The following ABRA variants were observed in gnomAD, a reference collection of about 807,000 sequenced individuals.
The protein encoded by ABRA is actin-binding Rho-activating protein.
In ABRA, 25 loss-of-function variants were observed where a neutral mutation model predicts 33.4. That is an observed-to-expected ratio of 0.75 (90% confidence interval 0.55 to 1.04). The LOEUF is 1.04. Among genes scored for constraint, ABRA ranks in the 50% least tolerant of loss-of-function variants. ABRA has a pLI of 0.00. For missense variants in ABRA, 501 were observed against 491.7 expected, an observed-to-expected ratio of 1.02 and a Z score of -0.18; for synonymous variants, 193 against 176.8, an observed-to-expected ratio of 1.09 and a Z score of -0.73.
At chr8:106,761,565 G>A in intron 1 of ABRA, 51 bp from the exon 2 acceptor site, 2 of 1,483,330 alleles carry the variant, frequency 1.3e-6, no homozygotes, top group Non-Finnish European at 1.8e-6. Context: ...TTAACACCGA[G>A]TGTTGTTTTC....
chr8:106,761,525 G>T lies in ABRA; in HGVS notation c.669-11C>A, dbSNP rs766483647. 6.3e-7 allele frequency: 1 copy of T among 1,599,874 alleles called. No individual in the cohort carries two copies. Among genetic ancestry groups the T allele is most frequent in the South Asian group, 1.1e-5 (1 of 89,364 alleles). The stretch of plus-strand genomic sequence containing the variant: ...GTAAATCTGTTTACCCTAAAGTAGA[G>T]AGAGGGTGAACAATCAAGATTCAGA... On this transcript the variant is annotated splice_polypyrimidine_tract_variant and intron_variant, in intron 1 of 1. Transcript: ENST00000311955.
At chr8:106,769,475 G>A (rs1394864088) in intron 1 of ABRA, 48 bp downstream of exon 1, 2 of 1,575,004 alleles carry the variant, frequency 1.3e-6, no homozygotes, top group South Asian at 1.2e-5. Flanking sequence ...CTTGGTTGGG[G>A]CTCAATAGTG....
rs200218319 is a variant in ABRA, at chr8:106,769,480, A to G, written c.668+43T>C. On this transcript the variant is annotated intron_variant, in intron 1 of 1. Transcript: ENST00000311955. ...GATTCCCAGACTTGGTTGGGGCTCA[A>G]TAGTGATCCTGACACAAGGAGTGGG... 153 of 1,581,474 alleles carry G rather than the reference A, an allele frequency of 9.7e-5. 2 individuals are homozygous for G. The African/African-American group carries it at 1.1e-3, about 12-fold the overall frequency.
chr8:106,769,395 C>G (rs1346458597), intron 1 of ABRA, 128 bp downstream of exon 1: 1 of 1,307,034 alleles, frequency 7.7e-7, no homozygotes, highest in Non-Finnish European at 1.1e-6. Flanking sequence ...ACAGTACTCA[C>G]TGCCTGTCCA....
chr8:106,766,401 G>T (rs893485315), intron 1 of ABRA, among the ~76,000 whole-genome samples: 23 of 151,892 alleles, frequency 1.5e-4, no homozygotes, highest in African/African-American at 4.8e-4. Flanking sequence ...ATACATAATT[G>T]TCTCCTTATT....
chr8:106,765,704 G>T (rs1055678388), intron 1 of ABRA, among the ~76,000 whole-genome samples: 10 of 152,178 alleles, frequency 6.6e-5, no homozygotes, highest in African/African-American at 2.4e-4. Flanking sequence ...AGCCAGGCCT[G>T]TGATTCTCCT....
chr8:106,765,777 CAGA>C (rs1225594138), intron 1 of ABRA, among the ~76,000 whole-genome samples: 1 of 152,136 alleles, frequency 6.6e-6, no homozygotes, highest in Non-Finnish European at 1.5e-5. Context: ...TGGGCACAGG[CAGA>C]AGGACAGCAT....
At position 106,769,513 on chromosome 8, in the gene ABRA, A is replaced by G; in HGVS notation, c.668+10T>C. 6.2e-7 allele frequency: 1 copy of G among 1,607,754 alleles called. No homozygotes were observed. Among genetic ancestry groups the G allele is most frequent in the Non-Finnish European group, 8.5e-7 (1 of 1,176,398 alleles). ...CCTGACACAAGGAGTGGGAGAATGC[A>G]TTCACTTACTGGGAGGGCAAGGGGC... On this transcript the variant is annotated intron_variant, in intron 1 of 1. Transcript: ENST00000311955.
At chr8:106,764,250 T>C (rs756438214) in intron 1 of ABRA, among the ~76,000 whole-genome samples, 5 of 152,260 alleles carry the variant, frequency 3.3e-5, no homozygotes, top group Non-Finnish European at 7.3e-5. Context: ...GATTCTTTGA[T>C]GTAGCCTTTT....
chr8:106,769,614 CCT>C lies in ABRA; in HGVS notation c.575_576del (p.Glu192GlyfsTer9). 1 of 1,614,220 alleles carries C rather than the reference CCT, an allele frequency of 6.2e-7. No homozygotes were observed. The highest frequency in any genetic ancestry group is 2.2e-5 in the East Asian group (1 of 44,876). On this transcript the variant is annotated frameshift_variant, in exon 1 of 2. Coordinates refer to ENST00000311955, the MANE Select transcript of ABRA (RefSeq NM_139166.5). LOFTEE classifies it high-confidence loss of function. ...PTWRSDSVDT[E>X]DSGYGGEAEE... ...TCAGCCTCTCCTCCATAGCCGCTGT[CCT>C]CTGTGTCTACGCTGTCACTCCTCCA...
At chr8:106,763,444 T>C (rs1041013779) in intron 1 of ABRA, among the ~76,000 whole-genome samples, 5 of 152,188 alleles carry the variant, frequency 3.3e-5, no homozygotes, top group Non-Finnish European at 7.3e-5. Flanking sequence ...TACAACTTTA[T>C]AAAATATATG....
At chr8:106,764,458 A>G (rs955866360) in intron 1 of ABRA, among the ~76,000 whole-genome samples, 2 of 152,206 alleles carry the variant, frequency 1.3e-5, no homozygotes, top group Non-Finnish European at 2.9e-5. Flanking sequence ...GTTCGAGATT[A>G]GCCTGGCTAT....
chr8:106,764,314 G>A (rs984838707), intron 1 of ABRA, among the ~76,000 whole-genome samples: 1 of 152,122 alleles, frequency 6.6e-6, no homozygotes, highest in Admixed American at 6.5e-5. Context: ...GAAACTTAGT[G>A]TCATTTGGGA....
Position 106,761,515 on chromosome 8 carries a change from CTAAAG to C in ABRA, c.669-6_669-2del, listed in dbSNP as rs765878134. ...GAGTTTCTCTGTAAATCTGTTTACC[CTAAAG>C]TAGAGAGAGGGTGAACAATCAAGAT... is the stretch of plus-strand genomic sequence containing the variant. On this transcript the variant is annotated splice_acceptor_variant and splice_polypyrimidine_tract_variant and intron_variant, in intron 1 of 1. Transcript: ENST00000311955. LOFTEE classifies it high-confidence loss of function. 30 of 1,608,970 alleles carry C rather than the reference CTAAAG, an allele frequency of 1.9e-5. No individual in the cohort carries two copies. The highest frequency in any genetic ancestry group is 8.4e-5 in the Admixed American group (5 of 59,610).
chr8:106,769,890 C>A lies in ABRA; in HGVS notation c.301G>T (p.Val101Phe), dbSNP rs149735084. The change falls in exon 1 of 2, where the codon GTT becomes TTT. Residue 101 changes from valine (V) to phenylalanine (F), a missense_variant. Physicochemically the swap from Val to Phe is conservative, Grantham distance 50. Coordinates refer to ENST00000311955, the MANE Select transcript of ABRA (RefSeq NM_139166.5). The stretch of plus-strand genomic sequence containing the variant: ...ACCTCTTTCTTTTTGATGTGAGAAA[C>A]CTCAGGGGCTTTCTCTGAGCTTTGT... ...DGQSSEKAPE[V>F]SHIKKKEVSK... The A allele has an allele frequency of 5.7e-4, 912 of 1,614,094 alleles. 1 individual carries two copies. The highest frequency in any genetic ancestry group is 6.9e-4 in the Non-Finnish European group (809 of 1,180,024).
chr8:106,763,201 A>C (rs1377790493), intron 1 of ABRA, among the ~76,000 whole-genome samples: 1 of 152,180 alleles, frequency 6.6e-6, no homozygotes, highest in Admixed American at 6.5e-5. Flanking sequence ...ACATACTTAC[A>C]TTAACATTGT....
Position 106,769,667 on chromosome 8 carries a change from C to G in ABRA, c.524G>C (p.Arg175Thr). ...NLVSELTKGW[R>T]VMEQEEPTWR... ...TGTGGGCTCCTCCTGCTCCATCACT[C>G]TCCAGCCCTTGGTTAGCTCAGACAC... The change falls in exon 1 of 2, where the codon AGA becomes ACA. Residue 175 changes from arginine to threonine, a missense_variant. Arg to Thr is a moderately conservative substitution (Grantham distance 71). Coordinates refer to ENST00000311955, the MANE Select transcript of ABRA (RefSeq NM_139166.5). The G allele has an allele frequency of 1.2e-6, 2 of 1,614,176 alleles. No homozygotes were observed. Among genetic ancestry groups the G allele is most frequent in the Non-Finnish European group, 1.7e-6 (2 of 1,180,036 alleles).
chr8:106,765,058 G>A (rs1324080148), intron 1 of ABRA, among the ~76,000 whole-genome samples: 1 of 152,112 alleles, frequency 6.6e-6, no homozygotes, highest in Non-Finnish European at 1.5e-5. Context: ...TGATACTTTA[G>A]ATTGAACTTT....
chr8:106,764,987 A>G (rs1836194930), intron 1 of ABRA, among the ~76,000 whole-genome samples: 1 of 152,146 alleles, frequency 6.6e-6, no homozygotes, highest in African/African-American at 2.4e-5. Context: ...CGTAAGTACT[A>G]TAAATGTAAG....
Sources: gnomAD v4.1 joint callset for allele counts (sites outside exome capture counted in the v4.1 genomes callset) on GRCh38, gnomAD v4.1.1 for gene constraint, MANE v1.5 for transcripts, NCBI Gene and HGNC (gene_info 2026-07-23, HGNC 2026-07-21) for gene names.